Variants in PPHLN1 observed in about 807,000 individuals in gnomAD.
The protein encoded by PPHLN1 is periphilin 1.
Under a neutral mutation model 51.3 loss-of-function variants are expected in PPHLN1, and 29 were observed. That is an observed-to-expected ratio of 0.57 (90% CI 0.42 to 0.77). The LOEUF (loss-of-function observed/expected upper bound fraction) is 0.77, where lower values mean the gene tolerates loss of function less well. PPHLN1 is among the 30% of genes least tolerant of loss of function. The probability of loss-of-function intolerance (pLI) is 0.00; values close to 1 mark genes in which losing one functional copy is unlikely to be tolerated. For missense variants in PPHLN1, 436 were observed against 438.4 expected, an observed-to-expected ratio of 0.99 and a Z score of 0.05; for synonymous variants, 147 against 147.8, an observed-to-expected ratio of 0.99 and a Z score of 0.04.
chr12:42,354,683 A>C (rs11830387), intron 3 of PPHLN1, among the ~76,000 whole-genome samples: 22,737 of 152,102 alleles, frequency 0.15, 2,608 homozygotes, highest in African/African-American at 0.32. Flanking sequence ...AATAAGTGAC[A>C]GTTTCTTATA....
intron 6 of PPHLN1, among the ~76,000 whole-genome samples, chr12:42,385,476 TG>T (rs926679148): frequency 1.3e-5 from 2 of 152,172 alleles, no homozygotes; most frequent in Non-Finnish European, 2.9e-5. Flanking sequence ...AATTAGCCTT[TG>T]GGCAGCTAAA....
chr12:42,399,211 CT>C (rs1329279198), intron 9 of PPHLN1: 2 of 1,174,388 alleles, frequency 1.7e-6, no homozygotes, highest in South Asian at 3.3e-5. Flanking sequence ...AAACAGACTT[CT>C]TTTTTACAGA....
intron 2 of PPHLN1, among the ~76,000 whole-genome samples, chr12:42,341,873 G>T (rs1344794666): frequency 2.0e-5 from 3 of 152,158 alleles, no homozygotes; most frequent in Non-Finnish European, 2.9e-5. Flanking sequence ...CGCCTGCCTT[G>T]GCCTCCCAAA....
intron 9 of PPHLN1, among the ~76,000 whole-genome samples, chr12:42,421,220 G>A (rs1280030988): frequency 6.6e-6 from 1 of 152,084 alleles, no homozygotes; most frequent in Admixed American, 6.6e-5. Flanking sequence ...CAAAAGAAGT[G>A]GTTCTGTCCT....
chr12:42,420,242 A>G (rs544119616), intron 9 of PPHLN1, among the ~76,000 whole-genome samples: 2 of 152,232 alleles, frequency 1.3e-5, no homozygotes, highest in South Asian at 2.1e-4. Context: ...TTATTGCTTC[A>G]TCTTAATAAT....
At chr12:42,329,044 A>T (rs1325501919) in intron 1 of PPHLN1, among the ~76,000 whole-genome samples, 1 of 149,856 alleles carries the variant, frequency 6.7e-6, no homozygotes, top group Non-Finnish European at 1.5e-5. Context: ...TTTTTCAATG[A>T]CCTTAACTAA....
chr12:42,393,656 T>TGA lies in PPHLN1; in HGVS notation c.736_737dup (p.Ser247LysfsTer34). 2 of 1,609,634 alleles carry TGA rather than the reference T, an allele frequency of 1.2e-6. No homozygotes were observed. Among genetic ancestry groups the TGA allele is most frequent in the Non-Finnish European group, 1.7e-6 (2 of 1,178,608 alleles). On this transcript the variant is annotated frameshift_variant, in exon 8 of 10. Coordinates refer to ENST00000358314, the MANE Select transcript of PPHLN1 (RefSeq NM_201439.2). LOFTEE classifies it high-confidence loss of function. ...CTGCTGAAAAGCTAGAGAAATCAGATGAAAGTAACTTGCCTGAAATTTCTG... is the reference window on the plus strand; with the variant it reads ...CTGCTGAAAAGCTAGAGAAATCAGATGAGAAAGTAACTTGCCTGAAATTTCTG...
downstream of PPHLN1, chr12:42,446,315 CTT>C (rs751689467): frequency 7.7e-6 from 12 of 1,550,310 alleles, no homozygotes; most frequent in Non-Finnish European, 9.6e-6. Context: ...TATTCTCTCA[CTT>C]TGCCTGTTAC....
In PPHLN1 at chr12:42,371,099, G is replaced by A. The variant is rs146134289; in HGVS notation, c.300-3764G>A. On this transcript the variant is annotated intron_variant, in intron 4 of 9. Transcript: ENST00000358314. ...TGGGATTACAGGCGTGAGCCACCTC[G>A]CCCAGCCTGGTGTTTTTTTTTTTTT... is the stretch of plus-strand genomic sequence containing the variant. Among the ~76,000 whole-genome samples, 1,298 of 143,662 alleles carry A rather than the reference G, an allele frequency of 9.0e-3. 41 individuals carry two copies. In the East Asian group the frequency reaches 0.11, roughly 12 times the overall value. 94.2% of individuals were successfully genotyped at this position (143,662 alleles called of 152,430 possible).
chr12:42,337,176 A>G (rs2070777563), intron 2 of PPHLN1, among the ~76,000 whole-genome samples: 1 of 150,836 alleles, frequency 6.6e-6, no homozygotes, highest in Non-Finnish European at 1.5e-5. Flanking sequence ...GGGAAAAGGG[A>G]TGACTTTTTT....
chr12:42,405,015 A>T (rs932818681), intron 9 of PPHLN1, among the ~76,000 whole-genome samples: 1 of 152,228 alleles, frequency 6.6e-6, no homozygotes, highest in Admixed American at 6.5e-5. Flanking sequence ...TGACAGAGTG[A>T]GACTCCGTCT....
At chr12:42,328,379 T>C (rs1055133113) in intron 1 of PPHLN1, among the ~76,000 whole-genome samples, 9 of 152,244 alleles carry the variant, frequency 5.9e-5, no homozygotes, top group Non-Finnish European at 1.5e-5. Context: ...GGATTCTTGA[T>C]CCTGGAAACT....
intron 9 of PPHLN1, chr12:42,400,158 T>C (rs2078660385): frequency 6.6e-6 from 1 of 151,500 alleles, no homozygotes; most frequent in Non-Finnish European, 1.5e-5. Flanking sequence ...GAGAACAGTA[T>C]GTGTAGCAGG....
chr12:42,409,188 TG>T (rs1370759626), intron 9 of PPHLN1, among the ~76,000 whole-genome samples: 2 of 152,052 alleles, frequency 1.3e-5, no homozygotes, highest in Non-Finnish European at 2.9e-5. Context: ...AACTGCTGAT[TG>T]GGGGTGAGGG....
At chr12:42,337,248 G>GT (rs1252361536) in intron 2 of PPHLN1, among the ~76,000 whole-genome samples, 1,863 of 137,708 alleles carry the variant, frequency 0.014, 26 homozygotes, top group Non-Finnish European at 0.019. Flanking sequence ...GAATTGTTCT[G>GT]TTTTTTTTTT....
chr12:42,421,854 G>GT (rs888560858), intron 9 of PPHLN1, among the ~76,000 whole-genome samples: 1,550 of 145,506 alleles, frequency 0.011, 22 homozygotes, highest in African/African-American at 0.034. Context: ...GAAGGTTGGA[G>GT]TTTTTTTTTT....
chr12:42,383,983 CAAAAAAAAAAAAAAAAA>C (rs61016692), intron 5 of PPHLN1, among the ~76,000 whole-genome samples: 5 of 51,640 alleles, frequency 9.7e-5, no homozygotes, highest in East Asian at 5.7e-4. Context: ...GACTGTGTCT[CAAAAAAAAAAAAAAAAA>C]AAAAAAAAAA....
At chr12:42,432,081 C>G (rs1170950617) in intron 9 of PPHLN1, 7 of 1,568,528 alleles carry the variant, frequency 4.5e-6, no homozygotes, top group Admixed American at 1.7e-5. Context: ...ACCACGACCT[C>G]GACCCCCTGA....
intron 9 of PPHLN1, among the ~76,000 whole-genome samples, chr12:42,407,860 G>C (rs2079453275): frequency 6.6e-6 from 1 of 152,132 alleles, no homozygotes; most frequent in Non-Finnish European, 1.5e-5. Context: ...TACATGTTCA[G>C]TACAGATGCA....
Sources: allele counts gnomAD v4.1 joint callset (sites outside exome capture counted in the v4.1 genomes callset), GRCh38; gene constraint gnomAD v4.1.1; transcripts MANE v1.5; gene names NCBI Gene and HGNC (gene_info 2026-07-23, HGNC 2026-07-21).